The following PRTG variants were observed in gnomAD, a reference collection of about 807,000 sequenced individuals.
PRTG encodes the protein immunoglobulin superfamily, DCC subclass, member 5.
PRTG carries 67 observed loss-of-function variants against 122.5 expected under a neutral mutation model. The ratio of observed to expected loss-of-function variants is 0.55; its 90% CI spans 0.45 to 0.67. The LOEUF (loss-of-function observed/expected upper bound fraction) is 0.67. PRTG is among the 30% of genes least tolerant of loss of function. The probability of loss-of-function intolerance (pLI) is 0.00; values close to 1 mark genes in which losing one functional copy is unlikely to be tolerated. For synonymous variants in PRTG, 554 were observed against 501.1 expected (o/e 1.11, Z -1.41); for missense variants, 1,435 against 1,415.4 (o/e 1.01, Z -0.22).
intron 2 of PRTG, among the ~76,000 whole-genome samples, chr15:55,698,756 G>C (rs2059645548): frequency 6.6e-6 from 1 of 152,076 alleles, no homozygotes; most frequent in Non-Finnish European, 1.5e-5. Flanking sequence ...GTTTAGGTGT[G>C]GTATAGTGTC....
intron 11 of PRTG, among the ~76,000 whole-genome samples, chr15:55,669,776 G>A (rs1299441408): frequency 6.6e-6 from 1 of 152,324 alleles, no homozygotes; most frequent in Admixed American, 6.5e-5. Context: ...GGAACCTGCT[G>A]TCTAACAAGA....
Position 55,680,116 on chromosome 15 carries a change from C to G in PRTG, c.911G>C (p.Cys304Ser). Residue 304 changes from cysteine to serine, a missense_variant, in exon 6 of 20, where the codon TGT becomes TCT. Cys to Ser is a moderately radical substitution (Grantham distance 112, BLOSUM62 -1). Coordinates refer to ENST00000389286, the MANE Select transcript of PRTG (RefSeq NM_173814.6). ...GCGTGTGCCAGGGGTAGTGGCCCGA[C>G]AAACATATACTCCAGCATGTTGTAG... is the stretch of plus-strand genomic sequence containing the variant. Reference protein sequence around the residue: ...VRLQHAGVYVCRATTPGTRNF... With the variant: ...VRLQHAGVYVSRATTPGTRNF... 1.9e-6 allele frequency: 3 copies of G among 1,613,622 alleles called. No individual in the cohort carries two copies. Among genetic ancestry groups the G allele is most frequent in the Non-Finnish European group, 2.5e-6 (3 of 1,179,648 alleles).
chr15:55,705,627 AT>A (rs534334087), intron 2 of PRTG, among the ~76,000 whole-genome samples: 2 of 149,290 alleles, frequency 1.3e-5, no homozygotes, highest in Admixed American at 6.7e-5. Flanking sequence ...TAATTTTTGT[AT>A]TTTTTTTAGT....
At chr15:55,657,267 C>G (rs1328400416) in intron 11 of PRTG, among the ~76,000 whole-genome samples, 1 of 152,048 alleles carries the variant, frequency 6.6e-6, no homozygotes, top group Non-Finnish European at 1.5e-5. Flanking sequence ...TTTATGGGGT[C>G]AGAATTGAGG....
intron 1 of PRTG, among the ~76,000 whole-genome samples, chr15:55,741,127 G>C (rs576958464): frequency 1.6e-4 from 24 of 152,342 alleles, no homozygotes; most frequent in African/African-American, 5.3e-4. Context: ...CCCTTGAAGT[G>C]TTTTTGGAAC....
intron 2 of PRTG, among the ~76,000 whole-genome samples, chr15:55,709,996 C>T (rs2030316489): frequency 6.6e-6 from 1 of 151,920 alleles, no homozygotes; most frequent in Non-Finnish European, 1.5e-5. Context: ...TATTGTGCAT[C>T]AATTATGCCT....
chr15:55,675,828 G>C (rs2059499492), intron 8 of PRTG, 145 bp from the exon 9 acceptor site: 1 of 485,152 alleles, frequency 2.1e-6, no homozygotes, highest in Non-Finnish European at 3.6e-6. Context: ...TGAACAGGAA[G>C]GTCTTTATTT....
At chr15:55,712,078 AAATGAAGC>A (rs1161769946) in intron 2 of PRTG, among the ~76,000 whole-genome samples, 2 of 152,210 alleles carry the variant, frequency 1.3e-5, no homozygotes, top group African/African-American at 4.8e-5. Context: ...GGTCAAATTA[AAATGAAGC>A]AATGAAGGCA....
chr15:55,696,980 T>A (rs1208538364), intron 2 of PRTG, among the ~76,000 whole-genome samples: 1 of 152,230 alleles, frequency 6.6e-6, no homozygotes, highest in Non-Finnish European at 1.5e-5. Context: ...TACAGACTAT[T>A]TTCCAGTATA....
At chr15:55,712,431 A>C (rs1273927964) in intron 2 of PRTG, among the ~76,000 whole-genome samples, 1 of 152,240 alleles carries the variant, frequency 6.6e-6, no homozygotes, top group East Asian at 1.9e-4. Context: ...CAAACCCACA[A>C]ATCTCAGGTG....
Position 55,677,918 on chromosome 15 carries a change from A to G in PRTG, c.1260T>C (p.Ser420=), listed in dbSNP as rs952170008. 6.2e-7 allele frequency: 1 copy of G among 1,614,000 alleles called. No homozygotes were observed. The highest frequency in any genetic ancestry group is 8.5e-7 in the Non-Finnish European group (1 of 1,179,908). The change falls in exon 8 of 20, where the codon AGT becomes AGC. Residue 420 remains serine, a synonymous_variant. Coordinates refer to ENST00000389286, the MANE Select transcript of PRTG (RefSeq NM_173814.6). ...TTTCAGCATGTACATTATAGGGAGC[A>G]CTGGGTCTGTCTTCTGACATCACTA... ...LTVVMSEDRP[S]APYNVHAETM...
At chr15:55,694,883 C>G (rs2059623635) in intron 2 of PRTG, among the ~76,000 whole-genome samples, 2 of 152,150 alleles carry the variant, frequency 1.3e-5, no homozygotes, top group Admixed American at 6.5e-5. Flanking sequence ...CTTGTGAAAC[C>G]TGACCTCTCT....
chr15:55,648,102 T>C (rs772257212), intron 11 of PRTG, among the ~76,000 whole-genome samples: 1 of 152,164 alleles, frequency 6.6e-6, no homozygotes, highest in Non-Finnish European at 1.5e-5. Flanking sequence ...GCCCTAATGA[T>C]GATAAATGCT....
At chr15:55,720,344 G>A (rs1389114501) in intron 2 of PRTG, among the ~76,000 whole-genome samples, 2 of 152,004 alleles carry the variant, frequency 1.3e-5, no homozygotes, top group Admixed American at 6.6e-5. Flanking sequence ...GCAATGGGGC[G>A]AGACTCTACC....
intron 2 of PRTG, among the ~76,000 whole-genome samples, chr15:55,688,562 G>A (rs1011651539): frequency 3.9e-5 from 6 of 152,148 alleles, no homozygotes; most frequent in African/African-American, 1.4e-4. Context: ...CCAGGCCGCC[G>A]CAGTGGCTCA....
chr15:55,645,346 A>ATGGCG (rs2059315182), intron 11 of PRTG, among the ~76,000 whole-genome samples: 1 of 142,202 alleles, frequency 7.0e-6, no homozygotes, highest in African/African-American at 2.5e-5. Context: ...AGGCAGGAGA[A>ATGGCG]TGGCGTGAAC....
Position 55,612,707 on chromosome 15 carries a change from T to C in PRTG, c.*7305A>G, listed in dbSNP as rs918592500. 8 of 8,816 alleles carry C rather than the reference T, an allele frequency of 9.1e-4. 1 individual carries two copies. The highest frequency in any genetic ancestry group is 8.8e-4 in the African/African-American group (6 of 6,806). 0.5% of individuals were successfully genotyped at this position (8,816 alleles called of 1,614,324 possible). A position where few individuals can be genotyped will look rare whatever the true frequency, so the allele number is the denominator to read the frequency against. On this transcript the variant is annotated 3_prime_UTR_variant, in exon 20 of 20. Coordinates refer to ENST00000389286, the MANE Select transcript of PRTG (RefSeq NM_173814.6). ...AACTCTTTAAAAGCCAATATATATA[T>C]ATATATATATATATATATATATATA...
At chr15:55,738,609 A>C in intron 2 of PRTG, 1 of 681,074 alleles carries the variant, frequency 1.5e-6, no homozygotes, top group Non-Finnish European at 2.7e-6. Flanking sequence ...TTGGACAAAA[A>C]CTGAATGAAC....
In PRTG at chr15:55,672,481, C is replaced by A; in HGVS notation, c.2005G>T (p.Asp669Tyr). 4 of 1,614,060 alleles carry A rather than the reference C, an allele frequency of 2.5e-6. No individual in the cohort carries two copies. Among genetic ancestry groups the A allele is most frequent in the Non-Finnish European group, 3.4e-6 (4 of 1,179,982 alleles). Residue 669 changes from aspartate (D) to tyrosine (Y), a missense_variant, in exon 11 of 20, where the codon GAT becomes TAT. Coordinates refer to ENST00000389286, the MANE Select transcript of PRTG (RefSeq NM_173814.6). Reference protein sequence around the residue: ...GQQENGPIFLDTKDLLYTLSG... With the variant: ...GQQENGPIFLYTKDLLYTLSG... The stretch of plus-strand genomic sequence containing the variant: ...AGAGTATAGAGTAGGTCCTTGGTAT[C>A]CAAGAAAATGGGCCCATTCTCCTGC...
Sources: gnomAD v4.1 joint callset for allele counts (sites outside exome capture counted in the v4.1 genomes callset) on GRCh38, gnomAD v4.1.1 for gene constraint, MANE v1.5 for transcripts, NCBI Gene and HGNC (gene_info 2026-07-23, HGNC 2026-07-21) for gene names.